The following DST variants were observed in gnomAD, a reference collection of about 807,000 sequenced individuals.
DST encodes the protein dystonin.
DST carries 253 observed loss-of-function variants against 875.2 expected under a neutral mutation model. The ratio of observed to expected loss-of-function variants is 0.29; its 90% CI spans 0.26 to 0.32. The LOEUF is 0.32. DST is among the 10% of genes least tolerant of loss of function. The probability of loss-of-function intolerance (pLI) is 1.00; values close to 1 mark genes in which losing one functional copy is unlikely to be tolerated. For synonymous variants in DST, 3,124 were observed against 3,197.1 expected, an observed-to-expected ratio of 0.98 and a Z score of 0.77; for missense variants, 8,287 against 9,111.6, an observed-to-expected ratio of 0.91 and a Z score of 3.68.
chr6:56,735,237 A>G lies in DST; in HGVS notation c.678T>C (p.His226=), dbSNP rs2099518533. 3 of 1,549,818 alleles carry G rather than the reference A, an allele frequency of 1.9e-6. No homozygotes were observed. The African/African-American group carries it at 4.1e-5, about 21-fold the overall frequency. ...CGAAATAAAAACTGACCTTCATGAGATGCTGATTTATCCATTTTGTAAATG... is the reference window on the plus strand; with the variant it reads ...CGAAATAAAAACTGACCTTCATGAGGTGCTGATTTATCCATTTTGTAAATG... The part of the protein sequence containing the change: ...KKTFTKWINQ[H]LMKVRKHVND... Residue 226 remains histidine, a synonymous_variant, in exon 5 of 104, where the codon CAT becomes CAC. Transcript: ENST00000680361.
chr6:56,717,110 T>G (rs193193600), intron 5 of DST, among the ~76,000 whole-genome samples: 6 of 151,900 alleles, frequency 3.9e-5, no homozygotes, highest in Non-Finnish European at 5.9e-5. Flanking sequence ...GTGAACCCGG[T>G]AGGCAGAGCT....
intron 2 of DST, among the ~76,000 whole-genome samples, chr6:56,903,748 G>T (rs923945455): frequency 1.3e-5 from 2 of 152,170 alleles, no homozygotes; most frequent in Non-Finnish European, 2.9e-5. Flanking sequence ...GTAAGCCATC[G>T]CATGCGGCCA....
Position 56,482,854 on chromosome 6 carries a change from C to T in DST, c.21231G>A (p.Lys7077=), listed in dbSNP as rs748287972. 10 of 1,565,562 alleles carry T rather than the reference C, an allele frequency of 6.4e-6. No individual in the cohort carries two copies. Among genetic ancestry groups the T allele is most frequent in the Non-Finnish European group, 8.7e-6 (10 of 1,155,628 alleles). The change falls in exon 89 of 104, where the codon AAG becomes AAA. Residue 7077 remains lysine (K), a synonymous_variant. Transcript: ENST00000680361. ...NHKAFQKELG[K]RTSSVQALKR... ...TCAGGGCCTGCACACTGCTGGTCCT[C>T]TTCCCCAACTCTTTTTGGAAGGCCT...
At chr6:56,913,297 T>C (rs1799516506) in intron 2 of DST, among the ~76,000 whole-genome samples, 1 of 152,220 alleles carries the variant, frequency 6.6e-6, no homozygotes, top group East Asian at 1.9e-4. Flanking sequence ...TAAATACTTT[T>C]TCAATGCCCA....
intron 57 of DST, 77 bp from the exon 58 acceptor site, chr6:56,560,500 C>A: frequency 7.1e-7 from 1 of 1,409,610 alleles, no homozygotes; most frequent in Non-Finnish European, 9.6e-7. Context: ...CATTATTTTT[C>A]TCTAGAATAA....
intron 5 of DST, among the ~76,000 whole-genome samples, chr6:56,729,235 AG>A (rs2099486274): frequency 6.6e-6 from 1 of 152,242 alleles, no homozygotes; most frequent in Non-Finnish European, 1.5e-5. Context: ...AAGAACCCAA[AG>A]CAATACACTC....
chr6:56,594,389 A>C (rs2098335828), intron 47 of DST, among the ~76,000 whole-genome samples, 196 bp from the exon 48 acceptor site: 1 of 152,168 alleles, frequency 6.6e-6, no homozygotes, highest in Admixed American at 6.6e-5. Context: ...GAGCATGCTA[A>C]TCTTATTTTA....
At chr6:56,692,966 T>C in intron 9 of DST, 1 of 1,289,826 alleles carries the variant, frequency 7.8e-7, no homozygotes, top group Non-Finnish European at 1.0e-6. Context: ...CTGCTGCTCT[T>C]CTTCTTGCCT....
chr6:56,665,066 T>A (rs1350071740), intron 10 of DST, among the ~76,000 whole-genome samples: 1 of 152,214 alleles, frequency 6.6e-6, no homozygotes, highest in African/African-American at 2.4e-5. Context: ...AGGCTCTTCA[T>A]CCTCTTTAGG....
chr6:56,729,703 T>G (rs1317977389), intron 5 of DST, among the ~76,000 whole-genome samples: 1 of 151,598 alleles, frequency 6.6e-6, no homozygotes, highest in Non-Finnish European at 1.5e-5. Flanking sequence ...ACAGAGGAAA[T>G]AGAGCTTTTT....
At chr6:56,525,983 C>A (rs1009377177) in intron 69 of DST, among the ~76,000 whole-genome samples, 2 of 152,186 alleles carry the variant, frequency 1.3e-5, no homozygotes, top group African/African-American at 4.8e-5. Context: ...TTAATACTGA[C>A]TTACATAACA....
In DST at chr6:56,606,853, G is replaced by A. The variant is rs764753913; in HGVS notation, c.7775C>T (p.Thr2592Met). 42 of 1,612,884 alleles carry A rather than the reference G, an allele frequency of 2.6e-5. 1 individual carries two copies. The highest frequency in any genetic ancestry group is 1.6e-4 in the Middle Eastern group (1 of 6,078). ...DETISASDYE[T>M]SLLNDQQNNT... ...ATTCTGCTGATCATTCAGCAGTGAC[G>A]TTTCATAGTCACTAGCACTGATGGT... Residue 2592 changes from threonine to methionine, a missense_variant, in exon 40 of 104, where the codon ACG (threonine) becomes ATG (methionine). By Grantham distance (81) the Thr-to-Met change is moderately conservative. Transcript: ENST00000680361.
intron 4 of DST, among the ~76,000 whole-genome samples, chr6:56,768,153 A>T (rs1183337781): frequency 6.6e-6 from 1 of 152,220 alleles, no homozygotes; most frequent in Non-Finnish European, 1.5e-5. Flanking sequence ...ACCATTGTGT[A>T]CCGAGAAAAA....
At chr6:56,870,856 A>C (rs1457891698) in intron 3 of DST, among the ~76,000 whole-genome samples, 1 of 152,188 alleles carries the variant, frequency 6.6e-6, no homozygotes, top group Non-Finnish European at 1.5e-5. Flanking sequence ...CAGATATTAC[A>C]TATAAAATAA....
intron 4 of DST, among the ~76,000 whole-genome samples, chr6:56,834,597 CA>C (rs34195706): frequency 2.0e-4 from 29 of 144,166 alleles, no homozygotes; most frequent in Admixed American, 4.2e-4. Context: ...ACTCCAACTC[CA>C]AAAAAAAAAA....
intron 2 of DST, among the ~76,000 whole-genome samples, chr6:56,938,283 T>C (rs1020289212): frequency 1.3e-5 from 2 of 151,962 alleles, no homozygotes; most frequent in East Asian, 1.9e-4. Flanking sequence ...AACAGGTGCA[T>C]ACCATCATGC....
chr6:56,463,904 C>G (rs764834213), intron 100 of DST, 140 bp from the exon 101 acceptor site: 1 of 888,808 alleles, frequency 1.1e-6, no homozygotes, highest in Non-Finnish European at 1.9e-6. Context: ...ATGCCAACTC[C>G]AACTCAGCAT....
chr6:56,699,482 C>A (rs1029556614), intron 9 of DST, among the ~76,000 whole-genome samples, 171 bp downstream of exon 9: 6 of 152,122 alleles, frequency 3.9e-5, no homozygotes, highest in Non-Finnish European at 7.4e-5. Flanking sequence ...AAACTAGTTG[C>A]CAGATTCACA....
At chr6:56,617,408 T>TAA in intron 36 of DST, 1 of 1,612,958 alleles carries the variant, frequency 6.2e-7, no homozygotes, top group Non-Finnish European at 8.5e-7. Flanking sequence ...ATACTGCTTG[T>TAA]TCTTAGCTAT....
Sources: allele counts gnomAD v4.1 joint callset (sites outside exome capture counted in the v4.1 genomes callset), GRCh38; gene constraint gnomAD v4.1.1; transcripts MANE v1.5; gene names NCBI Gene and HGNC (gene_info 2026-07-23, HGNC 2026-07-21).